The following AFAP1 variants were observed in gnomAD, a reference collection of about 807,000 sequenced individuals.
The protein encoded by AFAP1 is actin filament associated protein 1, also known as actin filament-associated protein 1.
Under a neutral mutation model 93.9 loss-of-function variants are expected in AFAP1, and 75 were observed. That is an observed-to-expected ratio of 0.80 (90% confidence interval 0.66 to 0.97). AFAP1 has a LOEUF of 0.97. Ranked by LOEUF, AFAP1 falls within the 50% of genes least tolerant of loss-of-function variation. The pLI, the probability that AFAP1 is intolerant of heterozygous loss-of-function variation, is 0.00. For synonymous variants in AFAP1, 517 were observed against 430.7 expected, an observed-to-expected ratio of 1.20 and a Z score of -2.48; for missense variants, 1,201 against 1,050.8, an observed-to-expected ratio of 1.14 and a Z score of -1.98.
chr4:7,780,161 A>G (rs142531349), intron 13 of AFAP1, among the ~76,000 whole-genome samples: 2 of 152,226 alleles, frequency 1.3e-5, no homozygotes, highest in African/African-American at 4.8e-5. Context: ...ACTTTTTGGC[A>G]TAAGTCCTCA....
In AFAP1 at chr4:7,841,524, G is replaced by C. The variant is rs904591184; in HGVS notation, c.546+1615C>G. Among the ~76,000 whole-genome samples, 5 of 152,340 alleles carry C rather than the reference G, an allele frequency of 3.3e-5. No homozygotes were observed. The East Asian group carries it at 9.7e-4, about 29-fold the overall frequency. Reference sequence around the variant, plus strand: ...AGGAGATGGAAAAAAAGCTGTTAATGGCGGTAACTTGTGGGAAGACAGACT... The same window carrying C: ...AGGAGATGGAAAAAAAGCTGTTAATCGCGGTAACTTGTGGGAAGACAGACT... On this transcript the variant is annotated intron_variant, in intron 5 of 17. Transcript: ENST00000420658.
intron 1 of AFAP1, among the ~76,000 whole-genome samples, chr4:7,917,926 C>T (rs1353782418): frequency 6.6e-6 from 1 of 152,250 alleles, no homozygotes; most frequent in African/African-American, 2.4e-5. Flanking sequence ...GTGATGCCCA[C>T]TCCGACTGTC....
intron 1 of AFAP1, among the ~76,000 whole-genome samples, chr4:7,902,117 C>T (rs1719148267): frequency 6.6e-6 from 1 of 152,180 alleles, no homozygotes; most frequent in African/African-American, 2.4e-5. Flanking sequence ...AGTCAACAAC[C>T]CGTCTTCTCT....
intron 1 of AFAP1, among the ~76,000 whole-genome samples, chr4:7,896,463 T>C (rs1718774712): frequency 6.6e-6 from 1 of 152,030 alleles, no homozygotes; most frequent in South Asian, 2.1e-4. Flanking sequence ...CCATGGTCTG[T>C]AAAACAGCTC....
intron 4 of AFAP1, among the ~76,000 whole-genome samples, chr4:7,844,396 C>T (rs772324836): frequency 6.6e-6 from 1 of 152,152 alleles, no homozygotes; most frequent in Non-Finnish European, 1.5e-5. Context: ...GGCAGTCTAA[C>T]CTGGACTCCC....
At position 7,800,940 on chromosome 4, in the gene AFAP1, A is replaced by G. The variant is rs192375453; in HGVS notation, c.1055-287T>C. 3.6e-4 allele frequency among the ~76,000 whole-genome samples: 55 copies of G among 152,298 alleles called. 1 individual carries two copies. Among genetic ancestry groups the G allele is most frequent in the Admixed American group, 8.5e-4 (13 of 15,306 alleles). On this transcript the variant is annotated intron_variant, in intron 9 of 17. Coordinates refer to ENST00000420658, the MANE Select transcript of AFAP1 (RefSeq NM_001134647.2). ...AGATGCCTGGTGTTGATGTGGGACTATGGAATTCACCTAAAGCACGTGAGA... is the reference window on the plus strand; with the variant it reads ...AGATGCCTGGTGTTGATGTGGGACTGTGGAATTCACCTAAAGCACGTGAGA...
chr4:7,793,564 G>A (rs1299333975), intron 11 of AFAP1, 117 bp downstream of exon 11: 2 of 1,172,116 alleles, frequency 1.7e-6, no homozygotes, highest in Non-Finnish European at 2.2e-6. Flanking sequence ...ATGCAAAAGG[G>A]AAAGTCTTTA....
intron 1 of AFAP1, among the ~76,000 whole-genome samples, chr4:7,880,930 C>A (rs988022961): frequency 6.6e-6 from 1 of 152,226 alleles, no homozygotes; most frequent in Non-Finnish European, 1.5e-5. Context: ...ATATTCCCCA[C>A]AGGCTTCACA....
intron 8 of AFAP1, among the ~76,000 whole-genome samples, chr4:7,813,879 G>A (rs1399374863): frequency 2.6e-5 from 4 of 152,160 alleles, no homozygotes; most frequent in African/African-American, 7.2e-5. Flanking sequence ...TTGGTTTAAG[G>A]TGATTTCACC....
intron 4 of AFAP1, among the ~76,000 whole-genome samples, chr4:7,849,683 A>G (rs1013928933): frequency 1.3e-5 from 2 of 152,172 alleles, no homozygotes; most frequent in African/African-American, 4.8e-5. Flanking sequence ...CAGACTCACA[A>G]AGGGCTTTCC....
chr4:7,909,407 T>C (rs145775265), intron 1 of AFAP1, among the ~76,000 whole-genome samples: 98 of 152,336 alleles, frequency 6.4e-4, no homozygotes, highest in African/African-American at 2.3e-3. Flanking sequence ...AAGAGTTCAA[T>C]AAATACCTAA....
intron 1 of AFAP1, among the ~76,000 whole-genome samples, chr4:7,889,542 CAAAAAAAAAAAA>C (rs576725041): frequency 4.9e-5 from 3 of 60,680 alleles, no homozygotes; most frequent in African/African-American, 1.2e-4. Flanking sequence ...AACTCCATCC[CAAAAAAAAAAAA>C]AAAAGAAAAA....
chr4:7,824,706 T>C (rs1272610398), intron 6 of AFAP1, among the ~76,000 whole-genome samples: 1 of 151,558 alleles, frequency 6.6e-6, no homozygotes, highest in African/African-American at 2.4e-5. Flanking sequence ...TGCCTACACG[T>C]GAATGGAGAG....
intron 14 of AFAP1, 105 bp downstream of exon 14, chr4:7,778,657 C>G: frequency 9.1e-7 from 1 of 1,102,324 alleles, no homozygotes. Context: ...CTCCATCTCT[C>G]CAGCTGACCC....
chr4:7,793,949 C>G (rs570506208), intron 10 of AFAP1, 123 bp from the exon 11 acceptor site: 1 of 1,146,256 alleles, frequency 8.7e-7, no homozygotes, highest in South Asian at 2.5e-5. Context: ...TAAGAAGAAA[C>G]GAAAAGGAAG....
chr4:7,786,828 T>G (rs1199244593), intron 11 of AFAP1, among the ~76,000 whole-genome samples: 4 of 152,246 alleles, frequency 2.6e-5, no homozygotes, highest in African/African-American at 9.6e-5. Context: ...AGCTGAAAGT[T>G]ACTGTCTGGT....
At chr4:7,885,351 C>G (rs1329477365) in intron 1 of AFAP1, among the ~76,000 whole-genome samples, 2 of 152,160 alleles carry the variant, frequency 1.3e-5, no homozygotes, top group Non-Finnish European at 2.9e-5. Flanking sequence ...TATGCTTAAC[C>G]CTGTGTGTCC....
chr4:7,864,276 T>G (rs1185705741), intron 3 of AFAP1, among the ~76,000 whole-genome samples: 1 of 152,228 alleles, frequency 6.6e-6, no homozygotes, highest in Non-Finnish European at 1.5e-5. Context: ...GCTCCTAGTA[T>G]AGCTGGCTGT....
rs1282881019 is a variant in AFAP1 at position 7,899,881 on chromosome 4, T to TAAATAAATAAATAAATAAATAAATAAAA, written c.-2-27802_-2-27801insTTTTATTTATTTATTTATTTATTTATTT. On this transcript the variant is annotated intron_variant, in intron 1 of 17. Transcript: ENST00000420658. ...AAAAATAAATAAATAAATAAATAAA[T>TAAATAAATAAATAAATAAATAAATAAAA]AAAAAAGGAAGGGGTCAAGAATCCA... 8.3e-4 allele frequency among the ~76,000 whole-genome samples: 126 copies of TAAATAAATAAATAAATAAATAAATAAAA among 151,684 alleles called. No individual in the cohort carries two copies. In the South Asian group the frequency reaches 0.011, roughly 13 times the overall value.
Sources: gnomAD v4.1 joint callset for allele counts (sites outside exome capture counted in the v4.1 genomes callset) on GRCh38, gnomAD v4.1.1 for gene constraint, MANE v1.5 for transcripts, NCBI Gene and HGNC (gene_info 2026-07-23, HGNC 2026-07-21) for gene names.